Variants in CDC42 observed in about 807,000 individuals in gnomAD.
The protein encoded by CDC42 is cell division control protein 42 homolog.
Under a neutral mutation model 20.8 loss-of-function variants are expected in CDC42, and 1 was observed. The ratio of observed to expected loss-of-function variants is 0.05; its 90% confidence interval spans 0.02 to 0.23. CDC42 has a LOEUF of 0.23. Ranked by LOEUF, CDC42 falls within the 10% of genes least tolerant of loss-of-function variation. The pLI is 1.00. For missense variants in CDC42, 49 were observed against 227.9 expected (o/e 0.21, Z 5.05); for synonymous variants, 72 against 84.8 (o/e 0.85, Z 0.83).
At chr1:22,088,187 T>C (rs2124043628) in intron 5 of CDC42, among the ~76,000 whole-genome samples, 1 of 152,314 alleles carries the variant, frequency 6.6e-6, no homozygotes, top group East Asian at 1.9e-4. Context: ...TGCCTGTGTG[T>C]GTATATTGGG....
At chr1:22,069,446 G>T (rs1569988836) in intron 1 of CDC42, among the ~76,000 whole-genome samples, 1 of 151,504 alleles carries the variant, frequency 6.6e-6, no homozygotes, top group African/African-American at 2.4e-5. Context: ...AAAGTGCTGG[G>T]ATTATAGGCG....
chr1:22,084,203 G>C (rs1455629205), intron 3 of CDC42, among the ~76,000 whole-genome samples: 1 of 152,024 alleles, frequency 6.6e-6, no homozygotes, highest in Non-Finnish European at 1.5e-5. Flanking sequence ...AAGTGGAATT[G>C]TTGGATCATG....
intron 1 of CDC42, among the ~76,000 whole-genome samples, chr1:22,055,490 A>ATTTT (rs35959719): frequency 8.7e-5 from 12 of 137,504 alleles, no homozygotes; most frequent in African/African-American, 2.1e-4. Context: ...AAAATTGGTG[A>ATTTT]TTTTTTTTTT....
Position 22,098,762 on chromosome 1 carries a change from CTTAT to C in CDC42, c.*7252_*7255del, listed in dbSNP as rs1001446350. ...TGGGCTATAGGTCATTACAGCTTTACTTATTTATTTTTTGGAGACAGGGTCTCAC... is the reference window on the plus strand; with the variant it reads ...TGGGCTATAGGTCATTACAGCTTTACTTATTTTTTGGAGACAGGGTCTCAC... On this transcript the variant is annotated 3_prime_UTR_variant, in exon 6 of 6. Transcript: ENST00000656825. Among the ~76,000 whole-genome samples the C allele has an allele frequency of 2.6e-5, 4 of 152,108 alleles. No individual in the cohort carries two copies. Among genetic ancestry groups the C allele is most frequent in the Non-Finnish European group, 5.9e-5 (4 of 67,986 alleles).
chr1:22,066,172 A>G (rs1645421393), intron 1 of CDC42, among the ~76,000 whole-genome samples: 1 of 152,174 alleles, frequency 6.6e-6, no homozygotes, highest in Non-Finnish European at 1.5e-5. Flanking sequence ...ACGGGGAATA[A>G]AGAAGTATAA....
In CDC42 at chr1:22,080,205, C is replaced by T. The variant is rs544905800; in HGVS notation, c.106-1517C>T. On this transcript the variant is annotated intron_variant, in intron 2 of 5. Transcript: ENST00000656825. ...TAGAAGTCTAAGTTTAATTACTTAG[C>T]GTAATTACACTAGCATAAGTAGACT... Among the ~76,000 whole-genome samples the T allele has an allele frequency of 5.9e-5, 9 of 152,264 alleles. No individual in the cohort carries two copies. The South Asian group carries it at 1.2e-3, about 21-fold the overall frequency.
chr1:22,081,694 T>C (rs745356882), intron 2 of CDC42, 28 bp from the exon 3 acceptor site: 36 of 1,451,950 alleles, frequency 2.5e-5, no homozygotes, highest in Non-Finnish European at 3.5e-5. Context: ...CCTTGCACAC[T>C]AACAGTGTTG....
rs571652276 is a variant in CDC42 at position 22,052,752 on chromosome 1, G to C, written c.-51+10G>C. Reference sequence around the variant, plus strand: ...CGGTGGAGAAGCTGAGGTGAGTGCGGGGCCCGAGGTTCCCCGCGGGAGCTG... The same window carrying C: ...CGGTGGAGAAGCTGAGGTGAGTGCGCGGCCCGAGGTTCCCCGCGGGAGCTG... On this transcript the variant is annotated intron_variant, in intron 1 of 5. Transcript: ENST00000656825. 3 of 152,974 alleles carry C rather than the reference G, an allele frequency of 2.0e-5. No individual in the cohort carries two copies. The highest frequency in any genetic ancestry group is 1.9e-4 in the East Asian group (1 of 5,192). 9.5% of individuals were successfully genotyped at this position (152,974 alleles called of 1,614,324 possible).
chr1:22,078,907 T>G, intron 2 of CDC42: 1 of 1,130,742 alleles, frequency 8.8e-7, no homozygotes. Flanking sequence ...TTTTTTTTGA[T>G]ATTTTGGCCA....
In CDC42 at chr1:22,063,295, TCTC is replaced by T. The variant is rs146703573; in HGVS notation, c.-51+10556_-51+10558del. 3.9e-5 allele frequency among the ~76,000 whole-genome samples: 6 copies of T among 152,182 alleles called. No individual in the cohort carries two copies. In the East Asian group the frequency reaches 7.7e-4, roughly 20 times the overall value. ...GAGACTACTACAGTTGTTAGCCTCT[TCTC>T]CTTATAACCAGTAAAGTATACTAGA... On this transcript the variant is annotated intron_variant, in intron 1 of 5. Transcript: ENST00000656825.
rs16826588 is a variant in CDC42, at chr1:22,097,620, C to G, written c.*6103C>G. On this transcript the variant is annotated 3_prime_UTR_variant, in exon 6 of 6. Transcript: ENST00000656825. Reference sequence around the variant, plus strand: ...GCTCTACCTAAGTTTCTCCTAGAATCTCCCTGCACTTCTTGTTTTGCTGCC... The same window carrying G: ...GCTCTACCTAAGTTTCTCCTAGAATGTCCCTGCACTTCTTGTTTTGCTGCC... Among the ~76,000 whole-genome samples the G allele has an allele frequency of 0.05, 7,666 of 152,344 alleles. 352 individuals are homozygous for G. The highest frequency in any genetic ancestry group is 0.13 in the African/African-American group (5,297 of 41,574).
At chr1:22,071,840 G>A (rs531763158) in intron 1 of CDC42, among the ~76,000 whole-genome samples, 56 of 152,200 alleles carry the variant, frequency 3.7e-4, no homozygotes, top group Middle Eastern at 6.8e-3. Flanking sequence ...TTTTGGATTA[G>A]AGTGAATGTG....
rs1433576592 is a variant in CDC42 at position 22,092,280 on chromosome 1, T to C, written c.*763T>C. On this transcript the variant is annotated 3_prime_UTR_variant, in exon 6 of 6. Coordinates refer to ENST00000656825, the MANE Select transcript of CDC42 (RefSeq NM_001791.4). ...TATGTGACTGTGACTTTCAAGGACA[T>C]TTGTTTGCCATTTGCTGATTTTTTT... 6.6e-6 allele frequency: 1 copy of C among 152,582 alleles called. No individual in the cohort carries two copies. The highest frequency in any genetic ancestry group is 1.5e-5 in the Non-Finnish European group (1 of 68,026). 9.5% of individuals were successfully genotyped at this position (152,582 alleles called of 1,614,324 possible).
At chr1:22,073,872 A>G (rs1479380552) in intron 1 of CDC42, among the ~76,000 whole-genome samples, 2 of 151,642 alleles carry the variant, frequency 1.3e-5, no homozygotes, top group African/African-American at 2.4e-5. Context: ...GCTGGTCCCA[A>G]ACTCCTGGGT....
chr1:22,070,035 T>A (rs1325877464), intron 1 of CDC42, among the ~76,000 whole-genome samples: 1 of 152,050 alleles, frequency 6.6e-6, no homozygotes, highest in African/African-American at 2.4e-5. Flanking sequence ...CAATCCACCT[T>A]CCTTGGCTTC....
intron 1 of CDC42, among the ~76,000 whole-genome samples, chr1:22,065,299 T>TAAAA (rs1193660877): frequency 1.3e-5 from 2 of 152,216 alleles, no homozygotes; most frequent in Non-Finnish European, 2.9e-5. Context: ...GCGAGGTGGT[T>TAAAA]TACAGCCCTT....
intron 5 of CDC42, among the ~76,000 whole-genome samples, chr1:22,088,352 T>TAC (rs1195772710): frequency 6.6e-6 from 1 of 152,204 alleles, no homozygotes; most frequent in African/African-American, 2.4e-5. Flanking sequence ...TAGTGATGCT[T>TAC]TAGATAATTG....
At position 22,055,867 on chromosome 1, in the gene CDC42, G is replaced by GTTTTTTT. The variant is rs35437576; in HGVS notation, c.-51+3138_-51+3144dup. Among the ~76,000 whole-genome samples, 193 of 126,648 alleles carry GTTTTTTT rather than the reference G, an allele frequency of 1.5e-3. 4 individuals are homozygous for GTTTTTTT. Among genetic ancestry groups the GTTTTTTT allele is most frequent in the African/African-American group, 5.5e-3 (180 of 32,712 alleles). 83.1% of individuals were successfully genotyped at this position (126,648 alleles called of 152,430 possible). A position where few individuals can be genotyped will look rare whatever the true frequency, so the allele number is the denominator to read the frequency against. ...AAATGCACTTCTCTATTGTTTTAGAGTTTTTTTTTTTTTTTTTTTGAGAGG... is the reference window on the plus strand; with the variant it reads ...AAATGCACTTCTCTATTGTTTTAGAGTTTTTTTTTTTTTTTTTTTTTTTTTTGAGAGG... On this transcript the variant is annotated intron_variant, in intron 1 of 5. Coordinates refer to ENST00000656825, the MANE Select transcript of CDC42 (RefSeq NM_001791.4).
rs1242259692 is a variant in CDC42 at position 22,092,041 on chromosome 1, G to A, written c.*524G>A. 6.6e-6 allele frequency: 1 copy of A among 152,258 alleles called. No homozygotes were observed. The highest frequency in any genetic ancestry group is 1.5e-5 in the Non-Finnish European group (1 of 67,976). The allele number at this position is 152,258 out of a possible 1,614,324, so 9.4% of individuals were successfully genotyped here. On this transcript the variant is annotated 3_prime_UTR_variant, in exon 6 of 6. Transcript: ENST00000656825. Reference sequence around the variant, plus strand: ...GTTAGCCCTTAAGGGGAGGAGGACGGATTGATTCCACATTCCACTTCCTAG... The same window carrying A: ...GTTAGCCCTTAAGGGGAGGAGGACGAATTGATTCCACATTCCACTTCCTAG...
Sources: gnomAD v4.1 joint callset for allele counts (sites outside exome capture counted in the v4.1 genomes callset) on GRCh38, gnomAD v4.1.1 for gene constraint, MANE v1.5 for transcripts, NCBI Gene and HGNC (gene_info 2026-07-23, HGNC 2026-07-21) for gene names.